Variants in GRM7 observed in about 807,000 individuals in gnomAD.
GRM7 encodes the protein glutamate metabotropic receptor 7.
A neutral mutation model predicts 84.5 loss-of-function variants in GRM7; 35 were observed. That is an observed-to-expected ratio of 0.41 (90% confidence interval 0.32 to 0.55). GRM7 has a LOEUF of 0.55. Ranked by LOEUF, GRM7 falls within the 20% of genes least tolerant of loss-of-function variation. The pLI is 0.19. For synonymous variants in GRM7, 487 were observed against 455.1 expected, an observed-to-expected ratio of 1.07 and a Z score of -0.89; for missense variants, 1,003 against 1,194.6, an observed-to-expected ratio of 0.84 and a Z score of 2.36.
chr3:7,461,525 A>C, intron 6 of GRM7, 58 bp from the exon 7 acceptor site: 30 of 1,407,730 alleles, frequency 2.1e-5, no homozygotes, highest in African/African-American at 2.8e-5. Context: ...CCATAGTACA[A>C]GAGATATAAG....
intron 7 of GRM7, among the ~76,000 whole-genome samples, chr3:7,503,792 C>A (rs1312860998): frequency 1.3e-5 from 2 of 152,114 alleles, no homozygotes; most frequent in Non-Finnish European, 2.9e-5. Flanking sequence ...GAACTGTCAG[C>A]TTTTTCAGGC....
At chr3:7,337,995 C>T (rs1256660661) in intron 4 of GRM7, among the ~76,000 whole-genome samples, 3 of 151,528 alleles carry the variant, frequency 2.0e-5, no homozygotes, top group Non-Finnish European at 4.4e-5. Context: ...AATATGAAAC[C>T]AGCCTAAATG....
intron 2 of GRM7, among the ~76,000 whole-genome samples, chr3:7,249,357 G>A (rs149906867): frequency 6.6e-6 from 1 of 152,140 alleles, no homozygotes; most frequent in African/African-American, 2.4e-5. Flanking sequence ...TTTTAATTGT[G>A]CTTTCTTTGG....
At chr3:7,701,762 T>C (rs1179458097) in intron 9 of GRM7, among the ~76,000 whole-genome samples, 1 of 152,146 alleles carries the variant, frequency 6.6e-6, no homozygotes, top group Non-Finnish European at 1.5e-5. Flanking sequence ...ATTTGGAAAC[T>C]GAACACTAAG....
At chr3:7,342,213 A>T (rs1692672305) in intron 4 of GRM7, among the ~76,000 whole-genome samples, 1 of 152,094 alleles carries the variant, frequency 6.6e-6, no homozygotes, top group African/African-American at 2.4e-5. Context: ...TTCTGACTCC[A>T]TTGCATTTTC....
chr3:7,588,475 C>G (rs1695623934), intron 8 of GRM7, among the ~76,000 whole-genome samples: 1 of 152,166 alleles, frequency 6.6e-6, no homozygotes, highest in African/African-American at 2.4e-5. Flanking sequence ...AAGTGAGCAA[C>G]CTCAAATAAA....
rs1695076354 is a variant in GRM7 at position 7,578,597 on chromosome 3, C to T, written c.1691C>T (p.Pro564Leu). 2 of 1,614,016 alleles carry T rather than the reference C, an allele frequency of 1.2e-6. No homozygotes were observed. Among genetic ancestry groups the T allele is most frequent in the Non-Finnish European group, 1.7e-6 (2 of 1,179,962 alleles). ...GATGAGATGACATGCCAGCATTGCC[C>T]CTATGACCAGAGGCCCAATGAAAAT... is the stretch of plus-strand genomic sequence containing the variant. ...QFDEMTCQHC[P>L]YDQRPNENRT... The change falls in exon 8 of 10, where the codon CCC becomes CTC. Residue 564 changes from proline (P) to leucine (L), a missense_variant. Pro to Leu is a moderately conservative substitution (Grantham distance 98). Around this residue, in one of 2 missense-constraint regions of GRM7, gnomAD observed 910 missense variants for 1,126.0 expected, o/e 0.81. Transcript: ENST00000357716.
intron 1 of GRM7, among the ~76,000 whole-genome samples, chr3:7,145,348 G>T (rs12496751): frequency 6.6e-6 from 1 of 151,870 alleles, no homozygotes; most frequent in Non-Finnish European, 1.5e-5. Flanking sequence ...TTGCTTGATA[G>T]AATCAAGACA....
At position 6,862,027 on chromosome 3, in the gene GRM7, A is replaced by G; in HGVS notation, c.519+120A>G. ...CAGCCTTCGCTCATTTCCTCCCTGG[A>G]GATCCTGCCGAATCCCTCCCACCCC... On this transcript the variant is annotated intron_variant, in intron 1 of 9. Coordinates refer to ENST00000357716, the MANE Select transcript of GRM7 (RefSeq NM_000844.4). The surrounding 1 kb of genome is among the most constrained non-coding windows in gnomAD (Gnocchi z 5.2). 1 of 792,902 alleles carries G rather than the reference A, an allele frequency of 1.3e-6. No homozygotes were observed. The allele number at this position is 792,902 out of a possible 1,614,324, so 49.1% of individuals were successfully genotyped here.
rs17047494 is a variant in GRM7, at chr3:7,513,208, A to G, written c.1515+51486A>G. On this transcript the variant is annotated intron_variant, in intron 7 of 9. Coordinates refer to ENST00000357716, the MANE Select transcript of GRM7 (RefSeq NM_000844.4). Reference sequence around the variant, plus strand: ...GACTATGCAGTTAGTAGTGTCGTCAATTTCCACCTCTCACCTTTCTCCTGG... The same window carrying G: ...GACTATGCAGTTAGTAGTGTCGTCAGTTTCCACCTCTCACCTTTCTCCTGG... 8.9e-3 allele frequency among the ~76,000 whole-genome samples: 1,354 copies of G among 152,304 alleles called. 14 individuals are homozygous for G. Among genetic ancestry groups the G allele is most frequent in the African/African-American group, 0.026 (1,088 of 41,560 alleles).
chr3:7,070,265 T>C (rs1697818317), intron 1 of GRM7, among the ~76,000 whole-genome samples: 1 of 152,124 alleles, frequency 6.6e-6, no homozygotes, highest in Admixed American at 6.6e-5. Context: ...AATGGATAAT[T>C]ATCAGAATAA....
chr3:7,624,787 G>A (rs574962173), intron 8 of GRM7, among the ~76,000 whole-genome samples: 1 of 152,214 alleles, frequency 6.6e-6, no homozygotes, highest in Non-Finnish European at 1.5e-5. Context: ...CCTGGCTTCT[G>A]GCTGTTCCTC....
intron 1 of GRM7, among the ~76,000 whole-genome samples, chr3:7,082,636 G>A (rs554185920): frequency 1.3e-5 from 2 of 152,122 alleles, no homozygotes; most frequent in East Asian, 3.9e-4. Flanking sequence ...TTCCTTCAAT[G>A]GATCTAGGCA....
Position 7,572,860 on chromosome 3 carries a change from ATATATATATATATATAT to A in GRM7, c.1516-5561_1516-5545del, listed in dbSNP as rs1694763263. The stretch of plus-strand genomic sequence containing the variant: ...TATATATATATATATATATATATAT[ATATATATATATATATAT>A]ATAAATAATCTTTCTACCTATAATA... On this transcript the variant is annotated intron_variant, in intron 7 of 9. Coordinates refer to ENST00000357716, the MANE Select transcript of GRM7 (RefSeq NM_000844.4). Among the ~76,000 whole-genome samples, 6 of 47,582 alleles carry A rather than the reference ATATATATATATATATAT, an allele frequency of 1.3e-4. 2 individuals carry two copies. Among genetic ancestry groups the A allele is most frequent in the African/African-American group, 4.7e-4 (6 of 12,810 alleles). 31.2% of individuals were successfully genotyped at this position (47,582 alleles called of 152,430 possible). A position where few individuals can be genotyped will look rare whatever the true frequency, so the allele number is the denominator to read the frequency against.
At chr3:7,367,212 G>T (rs1472370271) in intron 4 of GRM7, among the ~76,000 whole-genome samples, 1 of 131,948 alleles carries the variant, frequency 7.6e-6, no homozygotes, top group Non-Finnish European at 1.6e-5. Context: ...GAAGGATCAA[G>T]AATAAAATGT....
chr3:6,963,219 T>G (rs1693368750), intron 1 of GRM7, among the ~76,000 whole-genome samples: 1 of 152,224 alleles, frequency 6.6e-6, no homozygotes, highest in Admixed American at 6.5e-5. Context: ...AGTAAATTAT[T>G]TGCCAAAATA....
chr3:6,903,868 G>A (rs1033262573), intron 1 of GRM7, among the ~76,000 whole-genome samples: 18 of 152,120 alleles, frequency 1.2e-4, no homozygotes, highest in Admixed American at 6.6e-5. Flanking sequence ...TTTTTGTGAT[G>A]CTAATGAGGT....
chr3:7,174,849 T>C (rs1157501865), intron 2 of GRM7, among the ~76,000 whole-genome samples: 1 of 152,224 alleles, frequency 6.6e-6, no homozygotes, highest in Non-Finnish European at 1.5e-5. Flanking sequence ...AAGAGAAGTT[T>C]GAATTTTTGG....
chr3:7,230,954 A>C (rs1049845692), intron 2 of GRM7, among the ~76,000 whole-genome samples: 1 of 152,202 alleles, frequency 6.6e-6, no homozygotes, highest in African/African-American at 2.4e-5. Context: ...CAGAAACAGC[A>C]TTCATACTCA....
Sources: allele counts gnomAD v4.1 joint callset (sites outside exome capture counted in the v4.1 genomes callset), GRCh38; gene constraint gnomAD v4.1.1; regional missense constraint gnomAD v4.1.1; non-coding constraint Gnocchi (gnomAD v3.1); transcripts MANE v1.5; gene names NCBI Gene and HGNC (gene_info 2026-07-23, HGNC 2026-07-21).